CADPS: variants seen among roughly 807,000 people sequenced by gnomAD.
CADPS encodes the protein calcium-dependent secretion activator 1.
Under a neutral mutation model 167.3 loss-of-function variants are expected in CADPS, and 57 were observed. That is an observed-to-expected ratio of 0.34 (90% CI 0.28 to 0.42). The LOEUF (loss-of-function observed/expected upper bound fraction) is 0.42, where lower values mean the gene tolerates loss of function less well. Ranked by LOEUF, CADPS falls within the 20% of genes least tolerant of loss-of-function variation. CADPS has a pLI of 1.00. For synonymous variants in CADPS, 676 were observed against 635.3 expected, an observed-to-expected ratio of 1.06 and a Z score of -0.96; for missense variants, 1,414 against 1,738.1, an observed-to-expected ratio of 0.81 and a Z score of 3.32.
chr3:62,704,073 G>A (rs2081921812), intron 3 of CADPS, among the ~76,000 whole-genome samples: 2 of 152,186 alleles, frequency 1.3e-5, no homozygotes, highest in Admixed American at 6.5e-5. Flanking sequence ...AGGTACTGGG[G>A]ACATAGCAAT....
intron 9 of CADPS, 150 bp downstream of exon 9, chr3:62,570,722 C>T (rs1578013611): frequency 1.5e-6 from 1 of 668,552 alleles, no homozygotes; most frequent in East Asian, 2.5e-5. Flanking sequence ...GTATCCTCCT[C>T]TGAATGGTGG....
chr3:62,547,649 G>T (rs1304774962), intron 11 of CADPS, among the ~76,000 whole-genome samples: 1 of 124,224 alleles, frequency 8.0e-6, no homozygotes, highest in Non-Finnish European at 1.6e-5. Context: ...TTTAACAAAA[G>T]TTCCTTATTT....
chr3:62,866,003 G>A (rs1389777846), intron 1 of CADPS, among the ~76,000 whole-genome samples: 1 of 152,072 alleles, frequency 6.6e-6, no homozygotes, highest in Non-Finnish European at 1.5e-5. Flanking sequence ...CAAATGAAAT[G>A]CACTAAAAAA....
chr3:62,482,005 G>A (rs951413070), intron 21 of CADPS, 136 bp from the exon 22 acceptor site: 1 of 814,992 alleles, frequency 1.2e-6, no homozygotes, highest in Non-Finnish European at 2.0e-6. Context: ...ACACACTTCA[G>A]AAAGCAGCTT....
At chr3:62,721,779 T>A (rs889096526) in intron 3 of CADPS, among the ~76,000 whole-genome samples, 103 of 152,288 alleles carry the variant, frequency 6.8e-4, no homozygotes, top group African/African-American at 2.3e-3. Flanking sequence ...TTATTTAATG[T>A]TCACATCAAC....
At chr3:62,479,814 C>T (rs1030863308) in intron 22 of CADPS, among the ~76,000 whole-genome samples, 1 of 152,230 alleles carries the variant, frequency 6.6e-6, no homozygotes, top group Non-Finnish European at 1.5e-5. Flanking sequence ...TTTTCAGATA[C>T]TGCCGTGAGC....
intron 1 of CADPS, among the ~76,000 whole-genome samples, chr3:62,869,343 C>A (rs977856027): frequency 4.9e-4 from 75 of 152,140 alleles, no homozygotes; most frequent in African/African-American, 1.8e-3. Context: ...AGTCACTCAA[C>A]CTCTTTTTTG....
intron 13 of CADPS, among the ~76,000 whole-genome samples, chr3:62,527,171 T>C (rs9843019): frequency 0.76 from 115,729 of 152,058 alleles, 44,955 homozygotes; most frequent in Non-Finnish European, 0.84. Context: ...GTGGTACCTG[T>C]TAGGCTTTTA....
chr3:62,416,325 A>G (rs1202330364), intron 28 of CADPS, among the ~76,000 whole-genome samples: 8 of 152,198 alleles, frequency 5.3e-5, no homozygotes, highest in Non-Finnish European at 8.8e-5. Context: ...GAGCAAAACT[A>G]TTGCTGATAC....
chr3:62,636,630 G>A (rs1362300100), intron 6 of CADPS, among the ~76,000 whole-genome samples: 4 of 152,154 alleles, frequency 2.6e-5, no homozygotes, highest in South Asian at 2.1e-4. Context: ...GCACAGGGGC[G>A]TTGCTGGAAG....
At chr3:62,630,291 G>T (rs866786432) in intron 6 of CADPS, among the ~76,000 whole-genome samples, 35 of 152,164 alleles carry the variant, frequency 2.3e-4, no homozygotes, top group Admixed American at 9.8e-4. Context: ...CTTTAATTTG[G>T]TTGAATTGAT....
intron 28 of CADPS, chr3:62,404,985 T>G (rs1475752318): frequency 1.3e-5 from 2 of 151,956 alleles, no homozygotes; most frequent in Non-Finnish European, 1.5e-5. Context: ...TCACTGCATC[T>G]GGGCTTGTTA....
At chr3:62,760,560 T>G (rs1674492439) in intron 2 of CADPS, among the ~76,000 whole-genome samples, 1 of 152,042 alleles carries the variant, frequency 6.6e-6, no homozygotes, top group African/African-American at 2.4e-5. Flanking sequence ...CCTTGGACAC[T>G]AAACTCATCC....
At chr3:62,560,117 A>C (rs2078892490) in intron 9 of CADPS, among the ~76,000 whole-genome samples, 1 of 151,834 alleles carries the variant, frequency 6.6e-6, no homozygotes, top group South Asian at 2.1e-4. Context: ...GAGTTGGTTT[A>C]TTGGGAGCAT....
intron 3 of CADPS, among the ~76,000 whole-genome samples, chr3:62,718,457 G>T (rs1253428792): frequency 6.6e-6 from 1 of 152,194 alleles, no homozygotes; most frequent in Non-Finnish European, 1.5e-5. Flanking sequence ...AGAACTTGCT[G>T]TTTTTCTGTA....
chr3:62,506,223 A>T (rs576825024), intron 17 of CADPS, among the ~76,000 whole-genome samples: 11 of 152,188 alleles, frequency 7.2e-5, no homozygotes, highest in Non-Finnish European at 1.3e-4. Context: ...CCTCGTCTCT[A>T]TTAAAAATAC....
intron 1 of CADPS, among the ~76,000 whole-genome samples, chr3:62,834,494 G>A (rs1294647047): frequency 1.3e-5 from 2 of 152,122 alleles, no homozygotes; most frequent in African/African-American, 2.4e-5. Flanking sequence ...ATCAACTTTG[G>A]ATTTAGACGT....
rs138095264 is a variant in CADPS at position 62,455,745 on chromosome 3, T to G, written c.3636+9622A>C. ...TAAGAAGGGTGACAGAATGCAAGCT[T>G]GAAGAGGACAAGGGCCATGTCTTAC... On this transcript the variant is annotated intron_variant, in intron 26 of 29. Transcript: ENST00000383710. The surrounding 1 kb of genome is among the most constrained non-coding windows in gnomAD (Gnocchi z 4.4). Among the ~76,000 whole-genome samples, 50 of 152,312 alleles carry G rather than the reference T, an allele frequency of 3.3e-4. 1 individual carries two copies. Among genetic ancestry groups the G allele is most frequent in the African/African-American group, 1.2e-3 (49 of 41,574 alleles).
intron 1 of CADPS, among the ~76,000 whole-genome samples, chr3:62,872,127 T>TGAC (rs57963682): frequency 6.6e-6 from 1 of 151,998 alleles, no homozygotes; most frequent in East Asian, 1.9e-4. Flanking sequence ...ATTTTTCCTC[T>TGAC]TTTTCTAGTT....
Sources: gnomAD v4.1 joint callset for allele counts (sites outside exome capture counted in the v4.1 genomes callset) on GRCh38, gnomAD v4.1.1 for gene constraint, Gnocchi (gnomAD v3.1) non-coding constraint, MANE v1.5 for transcripts, NCBI Gene and HGNC (gene_info 2026-07-23, HGNC 2026-07-21) for gene names.